Variants in TSHZ1 observed in about 807,000 individuals in gnomAD.
The protein encoded by TSHZ1 is teashirt zinc finger homeobox 1, also known as teashirt homolog 1.
Under a neutral mutation model 67.1 loss-of-function variants are expected in TSHZ1, and 12 were observed. The observed-to-expected ratio is 0.18, with a 90% confidence interval of 0.11 to 0.29. The LOEUF is 0.29. Ranked by LOEUF, TSHZ1 falls within the 10% of genes least tolerant of loss-of-function variation. The pLI, the probability that TSHZ1 is intolerant of heterozygous loss-of-function variation, is 1.00. For synonymous variants in TSHZ1, 632 were observed against 622.4 expected (o/e 1.02, Z -0.23); for missense variants, 1,305 against 1,413.9 (o/e 0.92, Z 1.23).
Position 75,277,266 on chromosome 18 carries a change from TTTGTTCCCA to T in TSHZ1, c.41-8170_41-8162del, listed in dbSNP as rs1315617273. Among the ~76,000 whole-genome samples, 23 of 152,254 alleles carry T rather than the reference TTTGTTCCCA, an allele frequency of 1.5e-4. 1 individual carries two copies. Among genetic ancestry groups the T allele is most frequent in the Admixed American group, 1.2e-3 (19 of 15,292 alleles). On this transcript the variant is annotated intron_variant, in intron 1 of 1. Coordinates refer to ENST00000580243, the MANE Select transcript of TSHZ1 (RefSeq NM_001308210.2). ...TGGGCTGGGATGGGCATATCATCAT[TTTGTTCCCA>T]TTGTTCCCATTTATTTGAGTGGCAT...
chr18:75,286,171 A>G lies in TSHZ1; in HGVS notation c.764A>G (p.Tyr255Cys). The G allele has an allele frequency of 1.2e-6, 2 of 1,614,114 alleles. No individual in the cohort carries two copies. Among genetic ancestry groups the G allele is most frequent in the Non-Finnish European group, 1.7e-6 (2 of 1,180,014 alleles). ...CGGTGCAAAGACTGCAGTGCCGCGT[A>G]CGACACGCTGGTGGAACTGACGGTG... ...KFRCKDCSAA[Y>C]DTLVELTVHM... Residue 255 changes from tyrosine to cysteine, a missense_variant, in exon 2 of 2, where the codon TAC becomes TGC. Around this residue, in one of 3 missense-constraint regions of TSHZ1, gnomAD observed 358 missense variants for 375.6 expected, o/e 0.95. Coordinates refer to ENST00000580243, the MANE Select transcript of TSHZ1 (RefSeq NM_001308210.2). The surrounding 1 kb of genome is among the most constrained non-coding windows in gnomAD (Gnocchi z 5.1).
chr18:75,251,493 GTTT>G (rs3067027), intron 1 of TSHZ1, among the ~76,000 whole-genome samples: 6 of 139,428 alleles, frequency 4.3e-5, no homozygotes, highest in African/African-American at 1.1e-4. Context: ...TTTCTTTAGG[GTTT>G]TTTTTTTTTT....
At chr18:75,270,778 T>A (rs1005838845) in intron 1 of TSHZ1, among the ~76,000 whole-genome samples, 5 of 152,246 alleles carry the variant, frequency 3.3e-5, no homozygotes, top group Admixed American at 6.5e-5. Context: ...TTCCACTGTT[T>A]AGCCCACTCC....
At chr18:75,234,381 C>A (rs530342135) in intron 1 of TSHZ1, among the ~76,000 whole-genome samples, 31 of 152,280 alleles carry the variant, frequency 2.0e-4, no homozygotes, top group Non-Finnish European at 4.3e-4. Context: ...CAATTTTCAG[C>A]GATACTTTAG....
intron 1 of TSHZ1, among the ~76,000 whole-genome samples, chr18:75,255,671 C>T (rs1337867763): frequency 6.6e-6 from 1 of 152,046 alleles, no homozygotes; most frequent in Non-Finnish European, 1.5e-5. Flanking sequence ...AATTGAAGTC[C>T]GGGTTTGAAG....
At chr18:75,257,631 G>A (rs1034856278) in intron 1 of TSHZ1, among the ~76,000 whole-genome samples, 1 of 151,412 alleles carries the variant, frequency 6.6e-6, no homozygotes, top group African/African-American at 2.4e-5. Context: ...AAAAAAAAAA[G>A]GCTGGTGTCT....
At position 75,289,867 on chromosome 18, in the gene TSHZ1, A is replaced by G. The variant is rs1005894968; in HGVS notation, c.*1226A>G. ...TTTGATGTTCTATCATTAATATTGT[A>G]CAGTACATTTTGGTTCACACAATTA... On this transcript the variant is annotated 3_prime_UTR_variant, in exon 2 of 2. Transcript: ENST00000580243. 3 of 167,136 alleles carry G rather than the reference A, an allele frequency of 1.8e-5. No individual in the cohort carries two copies. Among genetic ancestry groups the G allele is most frequent in the Non-Finnish European group, 4.4e-5 (3 of 68,116 alleles). The allele number at this position is 167,136 out of a possible 1,614,324, so 10.4% of individuals were successfully genotyped here. A position where few individuals can be genotyped will look rare whatever the true frequency, so the allele number is the denominator to read the frequency against.
chr18:75,285,708 C>A lies in TSHZ1; in HGVS notation c.301C>A (p.Gln101Lys), dbSNP rs1231450058. Residue 101 changes from glutamine to lysine, a missense_variant, in exon 2 of 2, where the codon CAG (glutamine) becomes AAG (lysine). Physicochemically the swap from Gln to Lys is moderately conservative, Grantham distance 53 (BLOSUM62 1). This residue lies in a region of TSHZ1 where 358 missense variants were observed against 375.6 expected (regional missense o/e 0.95). Coordinates refer to ENST00000580243, the MANE Select transcript of TSHZ1 (RefSeq NM_001308210.2). Reference sequence around the variant, plus strand: ...CTCTCGAGAAGAGAAGGAGGATCCGCAGTGTCCCGACAGCGTCTCGTACCC... The same window carrying A: ...CTCTCGAGAAGAGAAGGAGGATCCGAAGTGTCCCGACAGCGTCTCGTACCC... ...SSSREEKEDP[Q>K]CPDSVSYPQD... The A allele has an allele frequency of 1.9e-6, 3 of 1,613,978 alleles. No homozygotes were observed. The highest frequency in any genetic ancestry group is 2.5e-6 in the Non-Finnish European group (3 of 1,179,996).
intron 1 of TSHZ1, among the ~76,000 whole-genome samples, chr18:75,272,246 C>G (rs1322977646): frequency 6.6e-6 from 1 of 152,232 alleles, no homozygotes; most frequent in African/African-American, 2.4e-5. Flanking sequence ...GATGAGAATC[C>G]TGCAGAACTG....
At chr18:75,241,174 C>A (rs1439101888) in intron 1 of TSHZ1, among the ~76,000 whole-genome samples, 2 of 152,196 alleles carry the variant, frequency 1.3e-5, no homozygotes, top group Non-Finnish European at 2.9e-5. Context: ...AAAACACGTT[C>A]CCATGGAAGT....
chr18:75,223,549 G>A (rs1250735631), intron 1 of TSHZ1, among the ~76,000 whole-genome samples: 2 of 151,732 alleles, frequency 1.3e-5, no homozygotes, highest in Non-Finnish European at 2.9e-5. Context: ...TTGCTTTCCT[G>A]GCCTGTCTTC....
intron 1 of TSHZ1, among the ~76,000 whole-genome samples, chr18:75,233,464 T>G (rs1006553337): frequency 1.2e-4 from 18 of 152,178 alleles, no homozygotes; most frequent in African/African-American, 4.1e-4. Context: ...TGTCAGCTCT[T>G]TAAGAAATAT....
chr18:75,287,729 G>C lies in TSHZ1; in HGVS notation c.2322G>C (p.Leu774=). 2 of 1,614,142 alleles carry C rather than the reference G, an allele frequency of 1.2e-6. No homozygotes were observed. The highest frequency in any genetic ancestry group is 1.1e-5 in the South Asian group (1 of 91,090). ...CCTCGCTGGACCCGCTGGCGATGCTGTACAAGATCAGCAACAGCATGCTGG... is the reference window on the plus strand; with the variant it reads ...CCTCGCTGGACCCGCTGGCGATGCTCTACAAGATCAGCAACAGCATGCTGG... ...VSPSLDPLAM[L]YKISNSMLDK... Residue 774 remains leucine, a synonymous_variant, in exon 2 of 2, where the codon CTG becomes CTC. Coordinates refer to ENST00000580243, the MANE Select transcript of TSHZ1 (RefSeq NM_001308210.2). This position sits in a 1 kb window ranked among gnomAD's most constrained non-coding sequence, Gnocchi z 5.0.
At chr18:75,230,193 A>G (rs1314149587) in intron 1 of TSHZ1, among the ~76,000 whole-genome samples, 3 of 152,342 alleles carry the variant, frequency 2.0e-5, no homozygotes, top group African/African-American at 7.2e-5. Context: ...TATTGTAACC[A>G]TTATTAATGC....
At chr18:75,260,173 C>A (rs1322270455) in intron 1 of TSHZ1, among the ~76,000 whole-genome samples, 1 of 152,266 alleles carries the variant, frequency 6.6e-6, no homozygotes, top group South Asian at 2.1e-4. Context: ...CCCAGGCCAG[C>A]CTCTTAGCCT....
intron 1 of TSHZ1, among the ~76,000 whole-genome samples, chr18:75,270,871 A>T (rs2023548260): frequency 6.6e-6 from 1 of 152,062 alleles, no homozygotes; most frequent in African/African-American, 2.4e-5. Flanking sequence ...TAAGTGAAGC[A>T]CACTCAACAT....
chr18:75,231,525 C>T (rs995565182), intron 1 of TSHZ1, among the ~76,000 whole-genome samples: 5 of 152,144 alleles, frequency 3.3e-5, no homozygotes, highest in Admixed American at 3.3e-4. Flanking sequence ...TTCCTGCCTG[C>T]ACTCTGCAAT....
At chr18:75,243,559 G>A (rs1221126819) in intron 1 of TSHZ1, among the ~76,000 whole-genome samples, 1 of 152,170 alleles carries the variant, frequency 6.6e-6, no homozygotes. Context: ...GCTTTGTGGA[G>A]CAGCAGCTTG....
chr18:75,241,484 G>A lies in TSHZ1; in HGVS notation c.40+29568G>A, dbSNP rs187882455. ...AAGGAGTCACGGGCCGGGGGTTGGC[G>A]GGATGTGCGTCTGTGCCTGCAGGTG... is the stretch of plus-strand genomic sequence containing the variant. On this transcript the variant is annotated intron_variant, in intron 1 of 1. Transcript: ENST00000580243. Among the ~76,000 whole-genome samples the A allele has an allele frequency of 9.0e-3, 1,369 of 152,208 alleles. 10 individuals are homozygous for A. Among genetic ancestry groups the A allele is most frequent in the Non-Finnish European group, 0.015 (1,038 of 68,010 alleles).
Sources: allele counts gnomAD v4.1 joint callset (sites outside exome capture counted in the v4.1 genomes callset), GRCh38; gene constraint gnomAD v4.1.1; regional missense constraint gnomAD v4.1.1; non-coding constraint Gnocchi (gnomAD v3.1); transcripts MANE v1.5; gene names NCBI Gene and HGNC (gene_info 2026-07-23, HGNC 2026-07-21).